REST: variants seen among roughly 807,000 people sequenced by gnomAD.
REST encodes the protein RE1-silencing transcription factor.
A neutral mutation model predicts 30.4 loss-of-function variants in REST; 1 was observed. The observed-to-expected ratio is 0.03, with a 90% CI of 0.01 to 0.16. The LOEUF is 0.16. Among genes scored for constraint, REST ranks in the 10% least tolerant of loss-of-function variants. The probability of loss-of-function intolerance (pLI) is 1.00; values close to 1 mark genes in which losing one functional copy is unlikely to be tolerated. For missense variants in REST, 1,259 were observed against 1,329.5 expected (o/e 0.95, Z 0.82); for synonymous variants, 504 against 451.1 (o/e 1.12, Z -1.49).
chr4:56,908,494 C>T (rs1719726191), intron 1 of REST, among the ~76,000 whole-genome samples: 2 of 151,946 alleles, frequency 1.3e-5, no homozygotes, highest in Non-Finnish European at 2.9e-5. Flanking sequence ...GCCGCCTCCG[C>T]GCTGGCCCGG....
chr4:56,917,537 CTG>C (rs1720258524), intron 2 of REST, among the ~76,000 whole-genome samples: 1 of 152,116 alleles, frequency 6.6e-6, no homozygotes, highest in African/African-American at 2.4e-5. Context: ...ACATTTGTTT[CTG>C]TCTTAGACAA....
chr4:56,932,006 G>A lies in REST; in HGVS notation c.3148G>A (p.Ala1050Thr), dbSNP rs1720994541. ...ATCTAGCAGAAAAAATGCAAAGGAA[G>A]CCTTGGCAGTCAAAGCGGCTAAGGG... ...QESSRKNAKE[A>T]LAVKAAKGDF... The change falls in exon 4 of 4, where the codon GCC (alanine) becomes ACC (threonine). Residue 1050 changes from alanine to threonine, a missense_variant. Physicochemically the swap from Ala to Thr is moderately conservative, Grantham distance 58 (BLOSUM62 0). Coordinates refer to ENST00000309042, the MANE Select transcript of REST (RefSeq NM_005612.5). 6 of 1,614,196 alleles carry A rather than the reference G, an allele frequency of 3.7e-6. No homozygotes were observed. The South Asian group carries it at 5.5e-5, about 15-fold the overall frequency.
intron 2 of REST, among the ~76,000 whole-genome samples, chr4:56,916,833 G>GT (rs1183928705): frequency 6.6e-6 from 1 of 152,180 alleles, no homozygotes; most frequent in East Asian, 1.9e-4. Context: ...GAATATTCAT[G>GT]TTTAAGTTTT....
At chr4:56,926,586 T>C (rs1720722158) in intron 3 of REST, among the ~76,000 whole-genome samples, 1 of 150,404 alleles carries the variant, frequency 6.6e-6, no homozygotes, top group Non-Finnish European at 1.5e-5. Flanking sequence ...ATTTTATATT[T>C]TTACAAAAAT....
At chr4:56,921,025 C>T (rs1720424337) in intron 3 of REST, among the ~76,000 whole-genome samples, 1 of 151,930 alleles carries the variant, frequency 6.6e-6, no homozygotes, top group Admixed American at 6.6e-5. Context: ...ACCACCATGC[C>T]CGGCTGATTC....
In REST at chr4:56,930,586, A is replaced by G. The variant is rs753362904; in HGVS notation, c.1728A>G (p.Lys576=). ...ATAAAAAGCAAAATACTTGCATGAA[A>G]AAAAGTACAAAGAAGAAAACTCTGA... The part of the protein sequence containing the change: ...EENKKQNTCM[K]KSTKKKTLKN... Residue 576 remains lysine (K), a synonymous_variant, in exon 4 of 4, where the codon AAA becomes AAG. Coordinates refer to ENST00000309042, the MANE Select transcript of REST (RefSeq NM_005612.5). 1.7e-5 allele frequency: 27 copies of G among 1,612,496 alleles called. No individual in the cohort carries two copies. The South Asian group carries it at 2.1e-4, about 12-fold the overall frequency.
At position 56,932,382 on chromosome 4, in the gene REST, T is replaced by A. The variant is rs763331656; in HGVS notation, c.*230T>A. On this transcript the variant is annotated 3_prime_UTR_variant, in exon 4 of 4. Coordinates refer to ENST00000309042, the MANE Select transcript of REST (RefSeq NM_005612.5). ...AGCAGGTATCTGTTAGCTTATGTGTTTAATTGAAATTAGAAGGCTAAGATG... is the reference window on the plus strand; with the variant it reads ...AGCAGGTATCTGTTAGCTTATGTGTATAATTGAAATTAGAAGGCTAAGATG... 6.9e-6 allele frequency: 3 copies of A among 432,436 alleles called. No individual in the cohort carries two copies. The highest frequency in any genetic ancestry group is 8.1e-6 in the Non-Finnish European group (2 of 246,072). 26.8% of individuals were successfully genotyped at this position (432,436 alleles called of 1,614,324 possible). A position where few individuals can be genotyped will look rare whatever the true frequency, so the allele number is the denominator to read the frequency against.
chr4:56,933,969 G>C lies in REST; in HGVS notation c.*1817G>C, dbSNP rs1192633345. The C allele has an allele frequency of 6.6e-6, 1 of 152,184 alleles. No individual in the cohort carries two copies. The highest frequency in any genetic ancestry group is 1.9e-4 in the East Asian group (1 of 5,206). The allele number at this position is 152,184 out of a possible 1,614,324, so 9.4% of individuals were successfully genotyped here. A position where few individuals can be genotyped will look rare whatever the true frequency, so the allele number is the denominator to read the frequency against. ...GGTGGAAAGCTTGTTAAAAATCTGA[G>C]AGTGAAGTTTGAGTTAAAAGTTGTT... On this transcript the variant is annotated 3_prime_UTR_variant, in exon 4 of 4. Transcript: ENST00000309042.
At chr4:56,929,750 T>C (rs1252903865) in intron 3 of REST, 91 bp from the exon 4 acceptor site, 1 of 1,143,902 alleles carries the variant, frequency 8.7e-7, no homozygotes, top group Non-Finnish European at 1.2e-6. Context: ...TAAATAGTCT[T>C]TGTTGTTACT....
intron 2 of REST, among the ~76,000 whole-genome samples, chr4:56,915,528 G>T (rs1482118438): frequency 6.6e-6 from 1 of 152,074 alleles, no homozygotes; most frequent in Non-Finnish European, 1.5e-5. Context: ...AATTACAAGC[G>T]TGAGCCACCA....
At position 56,930,537 on chromosome 4, in the gene REST, A is replaced by C; in HGVS notation, c.1679A>C (p.Lys560Thr). Residue 560 changes from lysine (K) to threonine (T), a missense_variant, in exon 4 of 4, where the codon AAG becomes ACG. Lys to Thr is a moderately conservative substitution (Grantham distance 78). Around this residue, in one of 5 missense-constraint regions of REST, gnomAD observed 856 missense variants for 772.8 expected, o/e 1.11. Coordinates refer to ENST00000309042, the MANE Select transcript of REST (RefSeq NM_005612.5). ...KSKNNSQEVPKGDSKVEENKK... is the reference protein window; with the variant it reads ...KSKNNSQEVPTGDSKVEENKK... The stretch of plus-strand genomic sequence containing the variant: ...AAAAATAATAGTCAGGAAGTGCCAA[A>C]GGGTGACAGCAAAGTGGAGGAGAAT... 3.1e-6 allele frequency: 5 copies of C among 1,611,680 alleles called. No individual in the cohort carries two copies. The highest frequency in any genetic ancestry group is 4.2e-6 in the Non-Finnish European group (5 of 1,179,460).
intron 3 of REST, among the ~76,000 whole-genome samples, chr4:56,926,572 C>G (rs1484411843): frequency 1.3e-5 from 2 of 151,540 alleles, no homozygotes; most frequent in African/African-American, 4.8e-5. Flanking sequence ...AAATGCCTCC[C>G]CAAATTTTAT....
chr4:56,920,099 C>T, intron 3 of REST: 1 of 328,006 alleles, frequency 3.0e-6, no homozygotes, highest in Non-Finnish European at 5.5e-6. Context: ...GAGGAGGGGC[C>T]TTAATTCTCA....
rs1578486294 is a variant in REST, at chr4:56,911,358, A to G, written c.720A>G (p.Arg240=). ...HYTAHLKHHT[R]AGDNERVYKC... is the part of the protein sequence containing the mutation. Reference sequence around the variant, plus strand: ...CAGCACACCTGAAACACCACACCAGAGCTGGGGATAATGAGCGAGTCTACA... The same window carrying G: ...CAGCACACCTGAAACACCACACCAGGGCTGGGGATAATGAGCGAGTCTACA... The change falls in exon 2 of 4, where the codon AGA becomes AGG. Residue 240 remains arginine, a synonymous_variant. Transcript: ENST00000309042. 1 of 1,614,198 alleles carries G rather than the reference A, an allele frequency of 6.2e-7. No homozygotes were observed. The highest frequency in any genetic ancestry group is 8.5e-7 in the Non-Finnish European group (1 of 1,180,044).
chr4:56,929,080 T>TC (rs1336363238), intron 3 of REST, among the ~76,000 whole-genome samples: 7 of 151,576 alleles, frequency 4.6e-5, no homozygotes, highest in Admixed American at 4.6e-4. Context: ...TTTTTTTTTT[T>TC]TTTCTTTGAG....
chr4:56,918,140 A>G (rs55823159), intron 2 of REST, among the ~76,000 whole-genome samples: 1,975 of 151,872 alleles, frequency 0.013, 23 homozygotes, highest in Non-Finnish European at 0.02. Context: ...TAAATTCTTC[A>G]GTATTAAATC....
chr4:56,912,421 A>G (rs1719974976), intron 2 of REST, among the ~76,000 whole-genome samples: 1 of 149,284 alleles, frequency 6.7e-6, no homozygotes, highest in Admixed American at 6.7e-5. Flanking sequence ...GCTCAGTGTA[A>G]CCTCTGCCTC....
intron 2 of REST, among the ~76,000 whole-genome samples, chr4:56,915,879 G>T (rs1032067254): frequency 1.4e-4 from 21 of 152,152 alleles, no homozygotes; most frequent in African/African-American, 5.1e-4. Flanking sequence ...GATAGTTCAT[G>T]TTTACACAGG....
chr4:56,930,758 A>G lies in REST; in HGVS notation c.1900A>G (p.Met634Val), dbSNP rs1382836181. 8 of 1,603,868 alleles carry G rather than the reference A, an allele frequency of 5.0e-6. No individual in the cohort carries two copies. In the African/African-American group the frequency reaches 9.4e-5, roughly 19 times the overall value. The stretch of plus-strand genomic sequence containing the variant: ...CGTTCAGGTGGAGCCGCCACCTCCC[A>G]TGGAGCATGCTCAGATGGAGGGTGC... ...GPVQVEPPPPMEHAQMEGAQI... is the reference protein window; with the variant it reads ...GPVQVEPPPPVEHAQMEGAQI... Residue 634 changes from methionine to valine, a missense_variant, in exon 4 of 4, where the codon ATG becomes GTG. By Grantham distance (21) the Met-to-Val change is conservative. This residue lies in a region of REST where 856 missense variants were observed against 772.8 expected (regional missense o/e 1.11). Transcript: ENST00000309042.
Sources: gnomAD v4.1 joint callset for allele counts (sites outside exome capture counted in the v4.1 genomes callset) on GRCh38, gnomAD v4.1.1 for gene constraint, gnomAD v4.1.1 regional missense constraint, MANE v1.5 for transcripts, NCBI Gene and HGNC (gene_info 2026-07-23, HGNC 2026-07-21) for gene names.